Variants in RMI1 observed in about 807,000 individuals in gnomAD.
The protein encoded by RMI1 is RecQ mediated genome instability 1, also known as recQ-mediated genome instability protein 1.
In RMI1, 36 loss-of-function variants were observed where a neutral mutation model predicts 46.7. That is an observed-to-expected ratio of 0.77 (90% CI 0.59 to 1.02). The LOEUF is 1.02. RMI1 is among the 50% of genes least tolerant of loss of function. The pLI is 0.00. For missense variants in RMI1, 676 were observed against 713.7 expected (o/e 0.95, Z 0.60); for synonymous variants, 250 against 252.9 (o/e 0.99, Z 0.11).
intron 2 of RMI1, among the ~76,000 whole-genome samples, chr9:84,000,088 G>A (rs1242957932): frequency 2.0e-5 from 3 of 152,136 alleles, no homozygotes; most frequent in Non-Finnish European, 4.4e-5. Flanking sequence ...AGTACTAAAT[G>A]GACAGACACA....
rs112442624 is a variant in RMI1, at chr9:83,990,957, C to T, written c.-125-8752C>T. Among the ~76,000 whole-genome samples the T allele has an allele frequency of 6.6e-5, 10 of 151,974 alleles. 1 individual carries two copies. The highest frequency in any genetic ancestry group is 2.4e-4 in the African/African-American group (10 of 41,464). ...AGAGTAGCTGGGATTACAGGCGTGT[C>T]CCACCATGCCCAACTGATTTTGTAT... On this transcript the variant is annotated intron_variant, in intron 1 of 2. Coordinates refer to ENST00000445877, the MANE Select transcript of RMI1 (RefSeq NM_001358291.2).
chr9:83,989,483 G>A lies in RMI1; in HGVS notation c.-126+8592G>A, dbSNP rs184584529. On this transcript the variant is annotated intron_variant, in intron 1 of 2. Coordinates refer to ENST00000445877, the MANE Select transcript of RMI1 (RefSeq NM_001358291.2). Reference sequence around the variant, plus strand: ...GAATATATAAGGAGCTGAAACAATGGCAAAAAGCCAAATAATCTGATTTTT... The same window carrying A: ...GAATATATAAGGAGCTGAAACAATGACAAAAAGCCAAATAATCTGATTTTT... Among the ~76,000 whole-genome samples the A allele has an allele frequency of 3.6e-3, 552 of 152,118 alleles. 4 individuals are homozygous for A. The highest frequency in any genetic ancestry group is 6.0e-3 in the Non-Finnish European group (410 of 67,974).
chr9:83,986,801 G>A (rs1217514454), intron 1 of RMI1, among the ~76,000 whole-genome samples: 1 of 152,126 alleles, frequency 6.6e-6, no homozygotes, highest in Admixed American at 6.5e-5. Flanking sequence ...GTCCAGCCTT[G>A]ACCTTTTCAG....
At chr9:83,992,181 G>T (rs555842746) in intron 1 of RMI1, among the ~76,000 whole-genome samples, 25 of 152,240 alleles carry the variant, frequency 1.6e-4, no homozygotes, top group African/African-American at 6.0e-4. Flanking sequence ...ATAGTTTTCA[G>T]CATAGTGTTT....
chr9:83,995,792 C>T lies in RMI1; in HGVS notation c.-125-3917C>T, dbSNP rs921183403. Among the ~76,000 whole-genome samples the T allele has an allele frequency of 3.3e-5, 5 of 152,186 alleles. No individual in the cohort carries two copies. The East Asian group carries it at 7.7e-4, about 23-fold the overall frequency. On this transcript the variant is annotated intron_variant, in intron 1 of 2. Transcript: ENST00000445877. The stretch of plus-strand genomic sequence containing the variant: ...ATTTCTAATGCATAAGTTATCTCCT[C>T]ATTTGTTGTTAGCTGGATGTTTATC...
intron 1 of RMI1, among the ~76,000 whole-genome samples, chr9:83,998,004 C>T (rs543555365): frequency 6.6e-6 from 1 of 151,926 alleles, no homozygotes; most frequent in South Asian, 2.1e-4. Context: ...GCTTTGTTGC[C>T]CAGGCTGGTC....
Position 84,002,020 on chromosome 9 carries a change from CCGAT to C in RMI1, c.1038_1041del (p.Asp346GlufsTer3). The C allele has an allele frequency of 6.2e-7, 1 of 1,613,908 alleles. No homozygotes were observed. The highest frequency in any genetic ancestry group is 8.5e-7 in the Non-Finnish European group (1 of 1,179,902). On this transcript the variant is annotated frameshift_variant, in exon 3 of 3. Transcript: ENST00000445877. LOFTEE classifies it high-confidence loss of function. ...CAACCATTGACTTTTAACAGAAATG[CCGAT>C]CGAAGTATAGAGAGATTTTCACATA... is the stretch of plus-strand genomic sequence containing the variant.
At chr9:83,992,980 T>TA (rs1410245538) in intron 1 of RMI1, 1 of 152,198 alleles carries the variant, frequency 6.6e-6, no homozygotes, top group African/African-American at 2.4e-5. Context: ...CACAACCAAT[T>TA]ATAGATTTCT....
intron 1 of RMI1, among the ~76,000 whole-genome samples, chr9:83,990,179 AG>A (rs1160409639): frequency 1.3e-5 from 2 of 152,100 alleles, no homozygotes; most frequent in Non-Finnish European, 2.9e-5. Context: ...TGGGAAGGGT[AG>A]GGGGGCAAAG....
At chr9:83,990,510 T>TAAA (rs55939734) in intron 1 of RMI1, among the ~76,000 whole-genome samples, 7 of 141,172 alleles carry the variant, frequency 5.0e-5, no homozygotes, top group Admixed American at 7.1e-5. Flanking sequence ...AATGCTGTCT[T>TAAA]AAAAAAAAAA....
At chr9:83,988,185 C>T (rs1255080084) in intron 1 of RMI1, among the ~76,000 whole-genome samples, 1 of 152,110 alleles carries the variant, frequency 6.6e-6, no homozygotes, top group Non-Finnish European at 1.5e-5. Context: ...CACCTGGCCA[C>T]ATACAGGATT....
intron 1 of RMI1, among the ~76,000 whole-genome samples, chr9:83,990,206 T>TGGTCAATG (rs1449773502): frequency 6.6e-5 from 10 of 152,002 alleles, no homozygotes; most frequent in Admixed American, 1.3e-4. Context: ...GAAGACAGAT[T>TGGTCAATG]GGTCAATGGG....
chr9:83,994,786 G>A (rs915983782), intron 1 of RMI1, among the ~76,000 whole-genome samples: 2 of 152,060 alleles, frequency 1.3e-5, no homozygotes, highest in African/African-American at 4.8e-5. Flanking sequence ...CCCAAGTGTT[G>A]TGATTACAGA....
At chr9:84,000,595 C>G (rs1023335624) in intron 2 of RMI1, among the ~76,000 whole-genome samples, 1 of 152,262 alleles carries the variant, frequency 6.6e-6, no homozygotes, top group Admixed American at 6.5e-5. Context: ...CTTTATAGGT[C>G]TGACATTATG....
rs1564086508 is a variant in RMI1 at position 84,002,207 on chromosome 9, T to C, written c.1221T>C (p.Asn407=). The part of the protein sequence containing the change: ...QNRSIFSVHC[N]VPLAHDFTNK... ...GGAGTATTTTTTCAGTTCATTGTAA[T>C]GTACCCTTAGCCCATGATTTTACAA... The change falls in exon 3 of 3, where the codon AAT becomes AAC. Residue 407 remains asparagine (N), a synonymous_variant. Transcript: ENST00000445877. The C allele has an allele frequency of 6.2e-7, 1 of 1,613,290 alleles. No homozygotes were observed. The highest frequency in any genetic ancestry group is 1.1e-5 in the South Asian group (1 of 90,992).
At chr9:83,980,705 G>A (rs1957355460), upstream of RMI1, 1 of 152,358 alleles carries the variant, frequency 6.6e-6, no homozygotes, top group African/African-American at 2.4e-5. Context: ...CGCACAGGGA[G>A]GGGGCGGGGA....
At chr9:83,984,728 A>AT (rs1283364796) in intron 1 of RMI1, among the ~76,000 whole-genome samples, 1 of 147,688 alleles carries the variant, frequency 6.8e-6, no homozygotes, top group East Asian at 2.0e-4. Flanking sequence ...GGCTCAGCTA[A>AT]TTTTTTTGTA....
chr9:83,989,225 G>A (rs1348096829), intron 1 of RMI1, among the ~76,000 whole-genome samples: 1 of 152,116 alleles, frequency 6.6e-6, no homozygotes, highest in African/African-American at 2.4e-5. Flanking sequence ...ACCTGAAACT[G>A]TGAAACTACT....
chr9:83,989,750 A>G (rs967331753), intron 1 of RMI1, among the ~76,000 whole-genome samples: 6 of 152,150 alleles, frequency 3.9e-5, no homozygotes, highest in African/African-American at 1.2e-4. Context: ...TATTGGGAAT[A>G]TAAATTAGTG....
Sources: allele counts gnomAD v4.1 joint callset (sites outside exome capture counted in the v4.1 genomes callset), GRCh38; gene constraint gnomAD v4.1.1; transcripts MANE v1.5; gene names NCBI Gene and HGNC (gene_info 2026-07-23, HGNC 2026-07-21).